SLC22A3: variants seen among roughly 807,000 people sequenced by gnomAD.
The protein encoded by SLC22A3 is EMT organic cation transporter 3.
SLC22A3 carries 51 observed loss-of-function variants against 59.1 expected under a neutral mutation model. The ratio of observed to expected loss-of-function variants is 0.86; its 90% CI spans 0.69 to 1.09. The LOEUF (loss-of-function observed/expected upper bound fraction) is 1.09, where lower values mean the gene tolerates loss of function less well. Ranked by LOEUF, SLC22A3 falls within the 50% of genes least tolerant of loss-of-function variation. SLC22A3 has a pLI of 0.00. For synonymous variants in SLC22A3, 325 were observed against 292.0 expected (o/e 1.11, Z -1.15); for missense variants, 711 against 726.3 (o/e 0.98, Z 0.24).
intron 1 of SLC22A3, among the ~76,000 whole-genome samples, chr6:160,378,789 C>T (rs953280674): frequency 1.3e-5 from 2 of 152,158 alleles, no homozygotes; most frequent in African/African-American, 2.4e-5. Flanking sequence ...AACACAAAGC[C>T]TATTTTGTAA....
intron 1 of SLC22A3, among the ~76,000 whole-genome samples, chr6:160,384,553 T>C (rs1785923164): frequency 6.6e-6 from 1 of 152,022 alleles, no homozygotes; most frequent in Non-Finnish European, 1.5e-5. Context: ...AAGACTCAGG[T>C]GTTTCTAAGC....
intron 1 of SLC22A3, among the ~76,000 whole-genome samples, chr6:160,358,041 A>G (rs1478819190): frequency 6.6e-6 from 1 of 152,248 alleles, no homozygotes; most frequent in African/African-American, 2.4e-5. Flanking sequence ...TTATAAAACC[A>G]AATAAAATTG....
At chr6:160,355,982 C>T (rs889409883) in intron 1 of SLC22A3, among the ~76,000 whole-genome samples, 1 of 152,116 alleles carries the variant, frequency 6.6e-6, no homozygotes, top group Non-Finnish European at 1.5e-5. Context: ...GCTGGAGGGC[C>T]GGCGCTCTGC....
At chr6:160,402,791 AGTAAC>A (rs1342049603) in intron 2 of SLC22A3, among the ~76,000 whole-genome samples, 4 of 151,828 alleles carry the variant, frequency 2.6e-5, no homozygotes, top group Non-Finnish European at 5.9e-5. Context: ...ACACATCTAT[AGTAAC>A]ACATAGGTCA....
chr6:160,433,545 A>G (rs1295864180), intron 5 of SLC22A3, among the ~76,000 whole-genome samples: 2 of 151,098 alleles, frequency 1.3e-5, no homozygotes, highest in Non-Finnish European at 3.0e-5. Flanking sequence ...TACTACTACT[A>G]CTACTGCTAC....
At chr6:160,355,327 C>T (rs1784793224) in intron 1 of SLC22A3, among the ~76,000 whole-genome samples, 1 of 152,164 alleles carries the variant, frequency 6.6e-6, no homozygotes, top group Non-Finnish European at 1.5e-5. Flanking sequence ...GCCTCCACCC[C>T]ATGTCTCCGC....
rs1583453560 is a variant in SLC22A3 at position 160,371,532 on chromosome 6, A to G, written c.429+22684A>G. Among the ~76,000 whole-genome samples, 4 of 152,284 alleles carry G rather than the reference A, an allele frequency of 2.6e-5. No individual in the cohort carries two copies. The East Asian group carries it at 7.7e-4, about 29-fold the overall frequency. On this transcript the variant is annotated intron_variant, in intron 1 of 10. Transcript: ENST00000275300. ...TGAACTCATCCTTTTTTATGGCTGC[A>G]TAGTATTCCATGGTGTATATGTGCC...
At chr6:160,381,705 GATT>G (rs1195474139) in intron 1 of SLC22A3, among the ~76,000 whole-genome samples, 2 of 152,120 alleles carry the variant, frequency 1.3e-5, no homozygotes, top group Non-Finnish European at 2.9e-5. Flanking sequence ...TTAGCAAAGA[GATT>G]ATTATGATGT....
intron 2 of SLC22A3, among the ~76,000 whole-genome samples, chr6:160,406,295 G>A (rs930704371): frequency 3.4e-4 from 51 of 152,150 alleles, no homozygotes; most frequent in Admixed American, 2.4e-3. Context: ...ATGAAAAGAT[G>A]TAATAGAATC....
intron 1 of SLC22A3, among the ~76,000 whole-genome samples, chr6:160,383,576 AT>A (rs1298999044): frequency 2.0e-5 from 3 of 152,236 alleles, no homozygotes; most frequent in Non-Finnish European, 4.4e-5. Flanking sequence ...AGTTTTATAT[AT>A]TTTTTAACTA....
intron 5 of SLC22A3, among the ~76,000 whole-genome samples, chr6:160,435,154 C>T (rs144626702): frequency 1.8e-4 from 27 of 152,320 alleles, no homozygotes; most frequent in Admixed American, 1.8e-3. Context: ...TGTCACTAGG[C>T]TGCCATATGC....
intron 9 of SLC22A3, among the ~76,000 whole-genome samples, chr6:160,444,927 A>G (rs1454374205): frequency 6.6e-6 from 1 of 152,140 alleles, no homozygotes; most frequent in Admixed American, 6.5e-5. Context: ...AAATTATTGT[A>G]TGGGATTTGG....
intron 1 of SLC22A3, among the ~76,000 whole-genome samples, chr6:160,388,275 A>C (rs1051920323): frequency 3.9e-5 from 6 of 152,268 alleles, no homozygotes; most frequent in Non-Finnish European, 8.8e-5. Context: ...GGTGACCAGC[A>C]ATACATGTCA....
At position 160,348,480 on chromosome 6, in the gene SLC22A3, G is replaced by A; in HGVS notation, c.61G>A (p.Val21Met). The A allele has an allele frequency of 6.4e-7, 1 of 1,551,166 alleles. No homozygotes were observed. Among genetic ancestry groups the A allele is most frequent in the African/African-American group, 1.4e-5 (1 of 70,458 alleles). The change falls in exon 1 of 11, where the codon GTG becomes ATG. Residue 21 changes from valine (V) to methionine (M), a missense_variant. Transcript: ENST00000275300. Reference protein sequence around the residue: ...VGEFGRFQRRVFLLLCLTGVT... With the variant: ...VGEFGRFQRRMFLLLCLTGVT... ...CGAGTTCGGGCGCTTCCAGAGGCGC[G>A]TGTTTTTGCTGCTGTGCCTGACGGG...
chr6:160,421,999 G>A (rs1016374081), intron 5 of SLC22A3, among the ~76,000 whole-genome samples: 10 of 152,198 alleles, frequency 6.6e-5, no homozygotes, highest in Admixed American at 5.2e-4. Flanking sequence ...GCGCTCCTTC[G>A]TGGAGACAGT....
chr6:160,408,773 A>G lies in SLC22A3; in HGVS notation c.709A>G (p.Lys237Glu). 6.2e-7 allele frequency: 1 copy of G among 1,613,684 alleles called. No homozygotes were observed. Residue 237 changes from lysine to glutamate, a missense_variant, in exon 4 of 11, where the codon AAA (lysine) becomes GAA (glutamate). Transcript: ENST00000275300. The stretch of plus-strand genomic sequence containing the variant: ...TTTAGTGACAGAAATAGTAGGTTCG[A>G]AACAAAGGAGGATTGTGGGAATCGT... ...YVIVTEIVGS[K>E]QRRIVGIVIQ...
Position 160,390,019 on chromosome 6 carries a change from G to A in SLC22A3, c.430-7960G>A, listed in dbSNP as rs996939935. Among the ~76,000 whole-genome samples, 6 of 152,308 alleles carry A rather than the reference G, an allele frequency of 3.9e-5. No homozygotes were observed. In the East Asian group the frequency reaches 1.2e-3, roughly 29 times the overall value. On this transcript the variant is annotated intron_variant, in intron 1 of 10. Coordinates refer to ENST00000275300, the MANE Select transcript of SLC22A3 (RefSeq NM_021977.4). ...GATGTTTAGTTCATGAAAAACAGTA[G>A]CTATGCTTGCCAAGTATTTGTGCCT...
At position 160,376,020 on chromosome 6, in the gene SLC22A3, ATCTAAAGCCTGGC is replaced by A. The variant is rs1222311580; in HGVS notation, c.430-21956_430-21944del. Among the ~76,000 whole-genome samples the A allele has an allele frequency of 9.8e-5, 15 of 152,340 alleles. No individual in the cohort carries two copies. The East Asian group carries it at 2.9e-3, about 29-fold the overall frequency. Reference sequence around the variant, plus strand: ...GACTTAATGAGATGTAGAGAAACTAATCTAAAGCCTGGCTCACAGAAAGGTAATGTGAAGTCTC... The same window carrying A: ...GACTTAATGAGATGTAGAGAAACTAATCACAGAAAGGTAATGTGAAGTCTC... On this transcript the variant is annotated intron_variant, in intron 1 of 10. Transcript: ENST00000275300.
chr6:160,356,574 C>G (rs1784848629), intron 1 of SLC22A3, among the ~76,000 whole-genome samples: 1 of 152,170 alleles, frequency 6.6e-6, no homozygotes, highest in African/African-American at 2.4e-5. Flanking sequence ...CACTGAAGGG[C>G]CTGGGCTGAG....
Sources: allele counts gnomAD v4.1 joint callset (sites outside exome capture counted in the v4.1 genomes callset), GRCh38; gene constraint gnomAD v4.1.1; transcripts MANE v1.5; gene names NCBI Gene and HGNC (gene_info 2026-07-23, HGNC 2026-07-21).